SENP1: variants seen among roughly 807,000 people sequenced by gnomAD.
SENP1 encodes sentrin-specific protease 1.
A neutral mutation model predicts 93.0 loss-of-function variants in SENP1; 21 were observed. The ratio of observed to expected loss-of-function variants is 0.23; its 90% CI spans 0.16 to 0.33. The LOEUF is 0.33. SENP1 is among the 10% of genes least tolerant of loss of function. The pLI, the probability that SENP1 is intolerant of heterozygous loss-of-function variation, is 1.00. For missense variants in SENP1, 591 were observed against 758.7 expected (o/e 0.78, Z 2.60); for synonymous variants, 256 against 259.6 (o/e 0.99, Z 0.13).
chr12:48,091,095 C>A (rs920234466), intron 4 of SENP1, among the ~76,000 whole-genome samples: 9 of 152,128 alleles, frequency 5.9e-5, no homozygotes, highest in African/African-American at 1.9e-4. Flanking sequence ...TACTTTTCTA[C>A]ACAAATTTTC....
chr12:48,088,069 T>C (rs1262794039), intron 5 of SENP1, among the ~76,000 whole-genome samples: 1 of 149,898 alleles, frequency 6.7e-6, no homozygotes, highest in Non-Finnish European at 1.5e-5. Flanking sequence ...TTTTTTTTTT[T>C]CTGAGACGAG....
chr12:48,056,338 A>T (rs1380129836), intron 13 of SENP1, among the ~76,000 whole-genome samples: 1 of 82,146 alleles, frequency 1.2e-5, no homozygotes, highest in Non-Finnish European at 2.5e-5. Flanking sequence ...ATATTATTTA[A>T]TATATTACAT....
intron 6 of SENP1, among the ~76,000 whole-genome samples, chr12:48,078,334 T>TATATATATATATATATATATACACACAC: frequency 5.9e-5 from 4 of 67,888 alleles, no homozygotes; most frequent in African/African-American, 1.9e-4. Context: ...TATATATATA[T>TATATATATATATATATATATACACACAC]ACACACACAT....
At chr12:48,075,962 G>C (rs944983215) in intron 6 of SENP1, among the ~76,000 whole-genome samples, 2 of 152,190 alleles carry the variant, frequency 1.3e-5, no homozygotes, top group African/African-American at 4.8e-5. Flanking sequence ...AGCCCTGAGA[G>C]AGGAAGGTGC....
chr12:48,084,447 G>GTTTTTTTTTTTTTTTTTTTTTTTTTT (rs5798059), intron 5 of SENP1, among the ~76,000 whole-genome samples: 1 of 109,450 alleles, frequency 9.1e-6, no homozygotes. Flanking sequence ...CTAATTTTGA[G>GTTTTTTTTTTTTTTTTTTTTTTTTTT]TTTTTTTTTT....
intron 1 of SENP1, among the ~76,000 whole-genome samples, chr12:48,103,263 AT>A (rs1946077168): frequency 6.6e-6 from 1 of 152,224 alleles, no homozygotes; most frequent in Non-Finnish European, 1.5e-5. Flanking sequence ...AATTTTACCG[AT>A]TATATCCAGA....
At chr12:48,076,960 A>AT (rs1944134764) in intron 6 of SENP1, among the ~76,000 whole-genome samples, 1 of 152,138 alleles carries the variant, frequency 6.6e-6, no homozygotes, top group East Asian at 1.9e-4. Flanking sequence ...TTTGTAGTTT[A>AT]ACACTTGGTC....
At chr12:48,097,885 G>T in intron 3 of SENP1, 109 bp downstream of exon 3, 1 of 1,001,384 alleles carries the variant, frequency 1.0e-6, no homozygotes, top group Non-Finnish European at 1.4e-6. Context: ...ATTCTAAAAA[G>T]TTTATAGCTA....
intron 6 of SENP1, among the ~76,000 whole-genome samples, 184 bp from the exon 7 acceptor site, chr12:48,074,977 G>A (rs143536504): frequency 1.3e-4 from 20 of 152,044 alleles, no homozygotes; most frequent in African/African-American, 2.9e-4. Flanking sequence ...GAGGACAAGC[G>A]GGGAGGATCA....
At chr12:48,063,250 G>A (rs1298230388) in intron 13 of SENP1, among the ~76,000 whole-genome samples, 3 of 152,078 alleles carry the variant, frequency 2.0e-5, no homozygotes, top group East Asian at 3.8e-4. Context: ...AAATGGAGGC[G>A]ATTTTGGAAA....
chr12:48,065,044 A>G (rs1270901403), intron 12 of SENP1, 21 bp downstream of exon 12: 2 of 1,483,954 alleles, frequency 1.3e-6, no homozygotes, highest in East Asian at 2.3e-5. Flanking sequence ...GTAGTGTAGA[A>G]ATTAAGTGTA....
At chr12:48,088,762 T>C in intron 5 of SENP1, 39 bp downstream of exon 5, 1 of 1,580,074 alleles carries the variant, frequency 6.3e-7, no homozygotes. Flanking sequence ...CTCTTATGTC[T>C]GAGGAAGGGC....
chr12:48,046,915 A>T, intron 16 of SENP1, 63 bp downstream of exon 16: 1 of 1,109,644 alleles, frequency 9.0e-7, no homozygotes, highest in Non-Finnish European at 1.4e-6. Flanking sequence ...ATTAAGCAGT[A>T]AAATTCTTTC....
chr12:48,096,604 C>A (rs563088844), intron 3 of SENP1, among the ~76,000 whole-genome samples, 177 bp from the exon 4 acceptor site: 1 of 151,964 alleles, frequency 6.6e-6, no homozygotes, highest in Admixed American at 6.6e-5. Flanking sequence ...TACAGGCACG[C>A]GCCATCACAC....
At chr12:48,089,312 G>C in intron 4 of SENP1, 1 of 1,355,626 alleles carries the variant, frequency 7.4e-7, no homozygotes, top group Non-Finnish European at 9.7e-7. Context: ...AGGTAGGCCA[G>C]ACCAGTAAGA....
intron 13 of SENP1, 46 bp downstream of exon 13, chr12:48,063,664 C>T: frequency 6.3e-7 from 1 of 1,575,676 alleles, no homozygotes; most frequent in Non-Finnish European, 8.7e-7. Context: ...AATTTAACTG[C>T]CACTTAATGT....
At chr12:48,051,659 T>C (rs986954093) in intron 13 of SENP1, among the ~76,000 whole-genome samples, 1 of 152,084 alleles carries the variant, frequency 6.6e-6, no homozygotes, top group Non-Finnish European at 1.5e-5. Flanking sequence ...AGAGGAGGGC[T>C]GAAGATGAAG....
intron 13 of SENP1, among the ~76,000 whole-genome samples, chr12:48,058,883 T>C (rs920858212): frequency 6.6e-6 from 1 of 152,224 alleles, no homozygotes; most frequent in Non-Finnish European, 1.5e-5. Flanking sequence ...TTTTGAAAGA[T>C]ATATTTGCTG....
chr12:48,095,397 G>A (rs1053113849), intron 4 of SENP1, among the ~76,000 whole-genome samples: 4 of 151,878 alleles, frequency 2.6e-5, no homozygotes, highest in Non-Finnish European at 5.9e-5. Flanking sequence ...TTAGCCGGGC[G>A]TGGTGGTGGG....
Sources: allele counts gnomAD v4.1 joint callset (sites outside exome capture counted in the v4.1 genomes callset), GRCh38; gene constraint gnomAD v4.1.1; transcripts MANE v1.5; gene names NCBI Gene and HGNC (gene_info 2026-07-23, HGNC 2026-07-21).